ENTHD1: variants seen among roughly 807,000 people sequenced by gnomAD.
The protein encoded by ENTHD1 is ENTH domain-containing protein 1.
Under a neutral mutation model 39.1 loss-of-function variants are expected in ENTHD1, and 23 were observed. The observed-to-expected ratio is 0.59, with a 90% confidence interval of 0.42 to 0.83. The LOEUF (loss-of-function observed/expected upper bound fraction) is 0.83, where lower values mean the gene tolerates loss of function less well. ENTHD1 is among the 40% of genes least tolerant of loss of function. The probability of loss-of-function intolerance (pLI) is 0.00; values close to 1 mark genes in which losing one functional copy is unlikely to be tolerated. For missense variants in ENTHD1, 624 were observed against 705.4 expected, an observed-to-expected ratio of 0.88 and a Z score of 1.31; for synonymous variants, 230 against 258.2, an observed-to-expected ratio of 0.89 and a Z score of 1.05.
At chr22:39,779,754 TG>T (rs1350449972) in intron 5 of ENTHD1, among the ~76,000 whole-genome samples, 1 of 152,100 alleles carries the variant, frequency 6.6e-6, no homozygotes, top group Admixed American at 6.5e-5. Context: ...ATATGTAAAT[TG>T]ACACATACAA....
intron 3 of ENTHD1, among the ~76,000 whole-genome samples, chr22:39,836,193 T>A (rs951650985): frequency 2.6e-5 from 4 of 152,174 alleles, no homozygotes; most frequent in Non-Finnish European, 5.9e-5. Context: ...AAAATAAAAT[T>A]ATTTTCTTTA....
At chr22:39,893,234 G>T (rs921679689) in intron 1 of ENTHD1, 1 of 152,096 alleles carries the variant, frequency 6.6e-6, no homozygotes, top group Admixed American at 6.6e-5. Flanking sequence ...AAGAATAATC[G>T]CCAGACAGGG....
chr22:39,879,985 T>A (rs1041204567), intron 2 of ENTHD1, among the ~76,000 whole-genome samples: 4 of 152,158 alleles, frequency 2.6e-5, no homozygotes, highest in African/African-American at 7.2e-5. Flanking sequence ...TCCAACAATT[T>A]GGGAAGCCAA....
At chr22:39,864,244 C>G (rs1982174893) in intron 2 of ENTHD1, among the ~76,000 whole-genome samples, 1 of 152,172 alleles carries the variant, frequency 6.6e-6, no homozygotes, top group South Asian at 2.1e-4. Context: ...CCCCCTCATT[C>G]CTTCTACTCT....
intron 3 of ENTHD1, among the ~76,000 whole-genome samples, chr22:39,860,340 A>T (rs1288068820): frequency 1.3e-5 from 2 of 152,214 alleles, no homozygotes; most frequent in Admixed American, 6.5e-5. Context: ...ATAATTGGTT[A>T]TTCTTCTCTG....
intron 3 of ENTHD1, among the ~76,000 whole-genome samples, chr22:39,845,178 C>G (rs1351770296): frequency 1.3e-5 from 2 of 148,342 alleles, no homozygotes; most frequent in African/African-American, 2.6e-5. Flanking sequence ...TCTGAACAAA[C>G]AACAGCCAAA....
At chr22:39,823,144 G>C (rs920803899) in intron 4 of ENTHD1, among the ~76,000 whole-genome samples, 8 of 152,056 alleles carry the variant, frequency 5.3e-5, no homozygotes, top group Non-Finnish European at 8.8e-5. Flanking sequence ...TTTTGGGACT[G>C]GCTTTTTTAG....
intron 3 of ENTHD1, among the ~76,000 whole-genome samples, chr22:39,854,140 G>A (rs2066066036): frequency 6.6e-6 from 1 of 152,170 alleles, no homozygotes; most frequent in Non-Finnish European, 1.5e-5. Context: ...CTTGGGAAGT[G>A]GGAGAAAAGC....
chr22:39,805,698 G>A (rs55713823), intron 5 of ENTHD1, among the ~76,000 whole-genome samples: 1,684 of 152,260 alleles, frequency 0.011, 13 homozygotes, highest in Non-Finnish European at 0.016. Context: ...GAGCAAGAGG[G>A]AGAAAACAGG....
chr22:39,774,945 T>C (rs990681435), intron 5 of ENTHD1, among the ~76,000 whole-genome samples: 1 of 152,222 alleles, frequency 6.6e-6, no homozygotes, highest in African/African-American at 2.4e-5. Flanking sequence ...TCCCTCAGCC[T>C]AGAATATCCT....
chr22:39,857,404 T>C (rs1031082629), intron 3 of ENTHD1, among the ~76,000 whole-genome samples: 6 of 138,958 alleles, frequency 4.3e-5, no homozygotes, highest in Non-Finnish European at 7.5e-5. Flanking sequence ...GATGGTGCCA[T>C]TGCTCTCCAG....
intron 6 of ENTHD1, among the ~76,000 whole-genome samples, chr22:39,762,931 A>T (rs1359597868): frequency 6.6e-6 from 1 of 151,980 alleles, no homozygotes; most frequent in Non-Finnish European, 1.5e-5. Context: ...CCGTTTTTTC[A>T]TATCCTAGTA....
At chr22:39,745,097 C>T (rs936236556) in intron 6 of ENTHD1, among the ~76,000 whole-genome samples, 7 of 152,170 alleles carry the variant, frequency 4.6e-5, no homozygotes, top group Middle Eastern at 3.2e-3. Context: ...TACTGTGCCT[C>T]CCAAAAGGAG....
intron 3 of ENTHD1, among the ~76,000 whole-genome samples, chr22:39,856,818 G>T (rs563182123): frequency 2.0e-5 from 3 of 147,754 alleles, no homozygotes; most frequent in Non-Finnish European, 4.5e-5. Flanking sequence ...ACACCACTGC[G>T]CTCCTGCCGG....
At chr22:39,817,517 AG>A (rs1194267855) in intron 5 of ENTHD1, among the ~76,000 whole-genome samples, 1 of 152,224 alleles carries the variant, frequency 6.6e-6, no homozygotes, top group East Asian at 1.9e-4. Context: ...ATATTTCTAA[AG>A]GTACACGTAT....
chr22:39,854,259 G>A (rs1441868247), intron 3 of ENTHD1, among the ~76,000 whole-genome samples: 6 of 152,138 alleles, frequency 3.9e-5, no homozygotes, highest in Admixed American at 3.9e-4. Flanking sequence ...TAACAACATT[G>A]AACAAAAGGA....
At chr22:39,866,205 CCAAA>C (rs530498528) in intron 2 of ENTHD1, among the ~76,000 whole-genome samples, 10 of 152,188 alleles carry the variant, frequency 6.6e-5, no homozygotes, top group East Asian at 1.9e-4. Flanking sequence ...AGGAGTCCTC[CCAAA>C]CAAACAAAAA....
chr22:39,859,636 A>G (rs979398846), intron 3 of ENTHD1, among the ~76,000 whole-genome samples: 1 of 152,194 alleles, frequency 6.6e-6, no homozygotes, highest in Non-Finnish European at 1.5e-5. Context: ...ATCTATCAGT[A>G]AGTTCACTGG....
At chr22:39,885,586 C>T (rs1291880962) in intron 2 of ENTHD1, among the ~76,000 whole-genome samples, 1 of 152,114 alleles carries the variant, frequency 6.6e-6, no homozygotes, top group African/African-American at 2.4e-5. Context: ...ACCCAAGAGT[C>T]CATCAACAGA....
Sources: allele counts gnomAD v4.1 joint callset (sites outside exome capture counted in the v4.1 genomes callset), GRCh38; gene constraint gnomAD v4.1.1; transcripts MANE v1.5; gene names NCBI Gene and HGNC (gene_info 2026-07-23, HGNC 2026-07-21).